The following SVEP1 variants were observed in gnomAD, a reference collection of about 807,000 sequenced individuals.
SVEP1 encodes the protein sushi, von Willebrand factor type A, EGF and pentraxin domain containing 1.
A neutral mutation model predicts 367.3 loss-of-function variants in SVEP1; 164 were observed. The observed-to-expected ratio is 0.45, with a 90% CI of 0.39 to 0.51. SVEP1 has a LOEUF of 0.51. Among genes scored for constraint, SVEP1 ranks in the 20% least tolerant of loss-of-function variants. SVEP1 has a pLI of 0.00. For missense variants in SVEP1, 4,117 were observed against 4,425.3 expected (o/e 0.93, Z 1.98); for synonymous variants, 1,666 against 1,611.6 (o/e 1.03, Z -0.81).
chr9:110,451,965 T>A (rs1359483458), intron 22 of SVEP1, among the ~76,000 whole-genome samples: 1 of 152,164 alleles, frequency 6.6e-6, no homozygotes, highest in Non-Finnish European at 1.5e-5. Flanking sequence ...GTCTGTGACA[T>A]TGCCAAGGAC....
chr9:110,442,461 C>CTTTTTTTTTT (rs11290774), intron 27 of SVEP1: 2 of 133,470 alleles, frequency 1.5e-5, no homozygotes, highest in Non-Finnish European at 1.6e-5. Flanking sequence ...TTTCTTTTTT[C>CTTTTTTTTTT]TTTTTTTTTT....
chr9:110,570,057 A>C (rs1830536883), intron 1 of SVEP1, among the ~76,000 whole-genome samples: 1 of 152,248 alleles, frequency 6.6e-6, no homozygotes. Flanking sequence ...CATGCTAAAC[A>C]ACAACTCTCA....
rs1430984123 is a variant in SVEP1, at chr9:110,434,525, G to A, written c.4889-19C>T. 15 of 1,608,216 alleles carry A rather than the reference G, an allele frequency of 9.3e-6. No individual in the cohort carries two copies. Among genetic ancestry groups the A allele is most frequent in the African/African-American group, 1.3e-5 (1 of 74,682 alleles). ...GGGCAATCTGAGGGCAAAGAACACA[G>A]GTGCAGAGCTTGTCAGCGGCATAGT... On this transcript the variant is annotated intron_variant, in intron 29 of 47. Transcript: ENST00000374469.
At chr9:110,427,228 G>A (rs1278199307) in intron 36 of SVEP1, among the ~76,000 whole-genome samples, 2 of 149,642 alleles carry the variant, frequency 1.3e-5, no homozygotes, top group African/African-American at 4.9e-5. Flanking sequence ...CACCTGGGAG[G>A]TGGAGATTGC....
intron 13 of SVEP1, among the ~76,000 whole-genome samples, chr9:110,479,076 C>T (rs989152755): frequency 2.6e-5 from 4 of 151,974 alleles, no homozygotes; most frequent in Non-Finnish European, 5.9e-5. Context: ...CATCACCATG[C>T]CTGGCTAGTT....
chr9:110,559,121 C>T (rs1389543692), intron 1 of SVEP1, among the ~76,000 whole-genome samples: 2 of 151,870 alleles, frequency 1.3e-5, no homozygotes, highest in African/African-American at 4.8e-5. Context: ...CAGCAGATTT[C>T]CCAAGTAGGT....
At chr9:110,431,708 T>C (rs546339716) in intron 32 of SVEP1, among the ~76,000 whole-genome samples, 89 of 152,324 alleles carry the variant, frequency 5.8e-4, no homozygotes, top group African/African-American at 2.0e-3. Flanking sequence ...TTCTGAGAAA[T>C]TGGGAAGTTG....
At chr9:110,394,426 ACT>A (rs1827724394) in intron 40 of SVEP1, among the ~76,000 whole-genome samples, 1 of 152,146 alleles carries the variant, frequency 6.6e-6, no homozygotes, top group African/African-American at 2.4e-5. Context: ...ATAACTGGAA[ACT>A]CTAAAAATCA....
intron 30 of SVEP1, 125 bp downstream of exon 30, chr9:110,434,211 T>C (rs1828396891): frequency 6.3e-6 from 7 of 1,118,478 alleles, no homozygotes. Flanking sequence ...AAAGAAAAGG[T>C]TCAATGAATA....
At chr9:110,394,202 T>C (rs1361217107) in intron 40 of SVEP1, among the ~76,000 whole-genome samples, 1 of 151,842 alleles carries the variant, frequency 6.6e-6, no homozygotes. Flanking sequence ...GGTTCACCAA[T>C]ATCCGCTGTT....
At chr9:110,492,419 T>G (rs546862875) in intron 8 of SVEP1, among the ~76,000 whole-genome samples, 1 of 152,210 alleles carries the variant, frequency 6.6e-6, no homozygotes, top group African/African-American at 2.4e-5. Context: ...CTCCTTTTAC[T>G]TGGGCGAAAT....
At chr9:110,516,459 A>G (rs1354582237) in intron 3 of SVEP1, among the ~76,000 whole-genome samples, 1 of 151,966 alleles carries the variant, frequency 6.6e-6, no homozygotes, top group African/African-American at 2.4e-5. Context: ...GACATGATAA[A>G]TAATTTAGCA....
At position 110,372,711 on chromosome 9, in the gene SVEP1, C is replaced by CAAATGTA. The variant is rs375387423; in HGVS notation, c.10600+2650_10600+2656dup. On this transcript the variant is annotated intron_variant, in intron 46 of 47. Coordinates refer to ENST00000374469, the MANE Select transcript of SVEP1 (RefSeq NM_153366.4). ...GGTGGAGGAAAGAGGAAGATCATTG[C>CAAATGTA]AAATGTAAGGAGATTGGGGAGGAGA... Among the ~76,000 whole-genome samples the CAAATGTA allele has an allele frequency of 7.3e-3, 1,115 of 152,140 alleles. 10 individuals carry two copies. Among genetic ancestry groups the CAAATGTA allele is most frequent in the African/African-American group, 0.025 (1,035 of 41,500 alleles).
At chr9:110,490,480 T>C (rs1829351604) in intron 8 of SVEP1, among the ~76,000 whole-genome samples, 1 of 152,058 alleles carries the variant, frequency 6.6e-6, no homozygotes, top group Non-Finnish European at 1.5e-5. Context: ...CTCTTATCTC[T>C]CCCTCCCCCA....
chr9:110,386,289 A>C (rs558328270), intron 42 of SVEP1, among the ~76,000 whole-genome samples: 44 of 152,330 alleles, frequency 2.9e-4, no homozygotes, highest in African/African-American at 1.0e-3. Context: ...GAAAACATGA[A>C]GTTATTCAAC....
rs142958311 is a variant in SVEP1, at chr9:110,557,094, C to T, written c.532-6990G>A. Reference sequence around the variant, plus strand: ...ATTTCTAATTTGAATCTCAGGTGTTCTTCAGTTCAAAGGCTGTTAATGGTT... The same window carrying T: ...ATTTCTAATTTGAATCTCAGGTGTTTTTCAGTTCAAAGGCTGTTAATGGTT... On this transcript the variant is annotated intron_variant, in intron 1 of 47. Coordinates refer to ENST00000374469, the MANE Select transcript of SVEP1 (RefSeq NM_153366.4). Among the ~76,000 whole-genome samples the T allele has an allele frequency of 2.2e-3, 329 of 152,264 alleles. 2 individuals are homozygous for T. The highest frequency in any genetic ancestry group is 1.6e-3 in the Non-Finnish European group (112 of 68,012).
At chr9:110,425,008 G>T (rs1011597768) in intron 36 of SVEP1, among the ~76,000 whole-genome samples, 1 of 151,950 alleles carries the variant, frequency 6.6e-6, no homozygotes, top group African/African-American at 2.4e-5. Context: ...CAAATGTTTT[G>T]TTAAAAATTT....
At chr9:110,485,662 C>T (rs1829266108) in intron 9 of SVEP1, among the ~76,000 whole-genome samples, 1 of 152,110 alleles carries the variant, frequency 6.6e-6, no homozygotes, top group African/African-American at 2.4e-5. Flanking sequence ...CTGAAGTGTT[C>T]TTATTACATG....
intron 40 of SVEP1, among the ~76,000 whole-genome samples, chr9:110,394,116 C>T (rs188650173): frequency 7.2e-5 from 11 of 152,152 alleles, no homozygotes; most frequent in South Asian, 2.1e-4. Flanking sequence ...CCAGTAGGGG[C>T]GGACTGACAC....
Sources: gnomAD v4.1 joint callset for allele counts (sites outside exome capture counted in the v4.1 genomes callset) on GRCh38, gnomAD v4.1.1 for gene constraint, MANE v1.5 for transcripts, NCBI Gene and HGNC (gene_info 2026-07-23, HGNC 2026-07-21) for gene names.